CNTN6: variants seen among roughly 807,000 people sequenced by gnomAD.
CNTN6 encodes contactin 6.
CNTN6 carries 137 observed loss-of-function variants against 122.8 expected under a neutral mutation model. The observed-to-expected ratio is 1.12, with a 90% confidence interval of 0.97 to 1.29. The LOEUF is 1.29. Ranked by LOEUF, CNTN6 falls within the 50% of genes most tolerant of loss-of-function variation. The pLI is 0.00. For missense variants in CNTN6, 1,634 were observed against 1,223.4 expected (o/e 1.34, Z -5.01); for synonymous variants, 570 against 426.0 (o/e 1.34, Z -4.16).
chr3:1,354,220 C>G (rs1481809221), intron 12 of CNTN6, among the ~76,000 whole-genome samples: 1 of 149,662 alleles, frequency 6.7e-6, no homozygotes, highest in African/African-American at 2.5e-5. Context: ...TGTAATATAG[C>G]CATGTTTTCT....
intron 2 of CNTN6, among the ~76,000 whole-genome samples, chr3:1,161,838 G>T (rs1222013959): frequency 6.7e-6 from 1 of 150,240 alleles, no homozygotes; most frequent in Non-Finnish European, 1.5e-5. Context: ...TATGTGTGTA[G>T]ATATATATTT....
intron 7 of CNTN6, 135 bp from the exon 8 acceptor site, chr3:1,321,515 G>C: frequency 1.3e-6 from 1 of 767,436 alleles, no homozygotes; most frequent in Non-Finnish European, 2.1e-6. Flanking sequence ...ATGATTGCAT[G>C]ATCTGAAAAC....
chr3:1,186,854 A>AG (rs1273034764), intron 2 of CNTN6, among the ~76,000 whole-genome samples: 1 of 151,474 alleles, frequency 6.6e-6, no homozygotes, highest in East Asian at 1.9e-4. Flanking sequence ...AAAAAAAAAA[A>AG]GAGGTAAGAT....
chr3:1,099,089 T>C (rs2090711445), intron 1 of CNTN6, among the ~76,000 whole-genome samples: 1 of 151,982 alleles, frequency 6.6e-6, no homozygotes, highest in Non-Finnish European at 1.5e-5. Flanking sequence ...GGAAATAGTA[T>C]ATTGAAAGCA....
At chr3:1,178,708 T>A (rs2093498631) in intron 2 of CNTN6, among the ~76,000 whole-genome samples, 1 of 152,152 alleles carries the variant, frequency 6.6e-6, no homozygotes, top group African/African-American at 2.4e-5. Flanking sequence ...AATAGGCATG[T>A]TTTTACTTCT....
At chr3:1,274,629 T>G (rs1421451659) in intron 4 of CNTN6, among the ~76,000 whole-genome samples, 3 of 152,188 alleles carry the variant, frequency 2.0e-5, no homozygotes, top group African/African-American at 7.2e-5. Flanking sequence ...ATATGGGAAG[T>G]AATGTAGTTA....
intron 12 of CNTN6, among the ~76,000 whole-genome samples, chr3:1,353,788 A>G (rs937541629): frequency 2.6e-5 from 4 of 151,702 alleles, no homozygotes; most frequent in Non-Finnish European, 4.4e-5. Flanking sequence ...GAAGATTAAA[A>G]TGTGGTGAAG....
At chr3:1,259,934 T>C (rs1369109944) in intron 4 of CNTN6, among the ~76,000 whole-genome samples, 1 of 152,126 alleles carries the variant, frequency 6.6e-6, no homozygotes, top group East Asian at 1.9e-4. Flanking sequence ...AAATTCTGTG[T>C]TTAAATGATA....
At chr3:1,249,220 A>AG (rs60159569) in intron 4 of CNTN6, among the ~76,000 whole-genome samples, 8,961 of 152,284 alleles carry the variant, frequency 0.059, 352 homozygotes, top group East Asian at 0.14. Context: ...AAGAAATCTT[A>AG]GGGAAAAACA....
intron 12 of CNTN6, among the ~76,000 whole-genome samples, chr3:1,364,335 A>G (rs556071158): frequency 2.0e-5 from 3 of 151,932 alleles, no homozygotes; most frequent in South Asian, 2.1e-4. Flanking sequence ...AACATTTTCT[A>G]TAATGTCATA....
At chr3:1,101,528 A>G (rs997355358) in intron 1 of CNTN6, among the ~76,000 whole-genome samples, 2 of 152,188 alleles carry the variant, frequency 1.3e-5, no homozygotes, top group Non-Finnish European at 2.9e-5. Context: ...TTAGAAAGTC[A>G]TCAAACTCTC....
At chr3:1,357,325 A>G (rs976614209) in intron 12 of CNTN6, among the ~76,000 whole-genome samples, 3 of 151,890 alleles carry the variant, frequency 2.0e-5, no homozygotes, top group Non-Finnish European at 4.4e-5. Flanking sequence ...CTGGAATTAT[A>G]TTAACCTGCC....
intron 2 of CNTN6, among the ~76,000 whole-genome samples, chr3:1,158,969 C>CACACACATATATATAT (rs1553610778): frequency 1.8e-5 from 2 of 112,980 alleles, no homozygotes; most frequent in Admixed American, 8.6e-5. Context: ...CACACACACA[C>CACACACATATATATAT]ATATATATAT....
chr3:1,193,901 G>C (rs2093737474), intron 2 of CNTN6, among the ~76,000 whole-genome samples: 1 of 152,118 alleles, frequency 6.6e-6, no homozygotes, highest in South Asian at 2.1e-4. Flanking sequence ...TATATACCAT[G>C]AAACTGCCAT....
At chr3:1,176,699 A>G (rs565457455) in intron 2 of CNTN6, among the ~76,000 whole-genome samples, 8 of 152,210 alleles carry the variant, frequency 5.3e-5, no homozygotes, top group African/African-American at 7.2e-5. Flanking sequence ...ATGTCTGTTT[A>G]TTTAAGAGAT....
At chr3:1,346,112 A>G (rs931843730) in intron 11 of CNTN6, among the ~76,000 whole-genome samples, 3 of 152,146 alleles carry the variant, frequency 2.0e-5, no homozygotes, top group Non-Finnish European at 4.4e-5. Context: ...ACACCTTGGA[A>G]TCTACATGTA....
In CNTN6 at chr3:1,263,421, C is replaced by G. The variant is rs976979005; in HGVS notation, c.359-14992C>G. Among the ~76,000 whole-genome samples, 7 of 152,234 alleles carry G rather than the reference C, an allele frequency of 4.6e-5. No homozygotes were observed. The South Asian group carries it at 1.2e-3, about 27-fold the overall frequency. ...AGTGACAAGCCATAATTTGACCAGA[C>G]TCAGTTGGTTGTGCAGACTAATGCT... is the stretch of plus-strand genomic sequence containing the variant. On this transcript the variant is annotated intron_variant, in intron 4 of 22. Transcript: ENST00000446702.
In CNTN6 at chr3:1,383,309, A is replaced by G. The variant is rs1253836580; in HGVS notation, c.2418A>G (p.Pro806=). The change falls in exon 19 of 23, where the codon CCA becomes CCG. Residue 806 remains proline (P), a synonymous_variant. Coordinates refer to ENST00000446702, the MANE Select transcript of CNTN6 (RefSeq NM_001289080.2). ...YSGEDEPQLA[P]RGTSLQSFSA... Reference sequence around the variant, plus strand: ...GGATGGTAGAACCTCAACTGGCCCCAAGGGGAACTTCTCTCCAGAGTTTTT... The same window carrying G: ...GGATGGTAGAACCTCAACTGGCCCCGAGGGGAACTTCTCTCCAGAGTTTTT... 6.2e-7 allele frequency: 1 copy of G among 1,613,940 alleles called. No homozygotes were observed. Among genetic ancestry groups the G allele is most frequent in the Admixed American group, 1.7e-5 (1 of 60,036 alleles).
intron 2 of CNTN6, among the ~76,000 whole-genome samples, chr3:1,188,260 A>G (rs977618761): frequency 5.3e-5 from 8 of 152,100 alleles, no homozygotes; most frequent in African/African-American, 1.9e-4. Flanking sequence ...TTCATTTAAG[A>G]CTTCTCCCCT....
Sources: allele counts gnomAD v4.1 joint callset (sites outside exome capture counted in the v4.1 genomes callset), GRCh38; gene constraint gnomAD v4.1.1; transcripts MANE v1.5; gene names NCBI Gene and HGNC (gene_info 2026-07-23, HGNC 2026-07-21).